The following TENM3 variants were observed in gnomAD, a reference collection of about 807,000 sequenced individuals.
TENM3 encodes the protein teneurin-3.
TENM3 carries 63 observed loss-of-function variants against 255.1 expected under a neutral mutation model. That is an observed-to-expected ratio of 0.25 (90% CI 0.20 to 0.30). The LOEUF is 0.30. TENM3 is among the 10% of genes least tolerant of loss of function. TENM3 has a pLI of 1.00. For missense variants in TENM3, 2,929 were observed against 3,461.1 expected, an observed-to-expected ratio of 0.85 and a Z score of 3.86; for synonymous variants, 1,306 against 1,322.3, an observed-to-expected ratio of 0.99 and a Z score of 0.27.
chr4:182,094,329 T>A, the TENM3 span, among the ~76,000 whole-genome samples: 1 of 151,774 alleles, frequency 6.6e-6, no homozygotes, highest in East Asian at 1.9e-4. Flanking sequence ...CACTGCAACC[T>A]CCACCTCCCG....
intron 3 of TENM3, among the ~76,000 whole-genome samples, chr4:182,424,181 C>T (rs557755023): frequency 1.3e-5 from 2 of 152,188 alleles, no homozygotes; most frequent in East Asian, 3.9e-4. Context: ...GCAGTATCTA[C>T]AATTAAATTT....
At chr4:182,602,425 T>C (rs1179039644) in intron 4 of TENM3, among the ~76,000 whole-genome samples, 1 of 152,216 alleles carries the variant, frequency 6.6e-6, no homozygotes, top group African/African-American at 2.4e-5. Flanking sequence ...CATTGCTATT[T>C]CTCACCATTA....
chr4:181,641,546 G>GTAGTA, the TENM3 span, among the ~76,000 whole-genome samples: 1 of 39,284 alleles, frequency 2.5e-5, no homozygotes, highest in Non-Finnish European at 4.6e-5. Context: ...GTATTCCATG[G>GTAGTA]TGTGTGTGTA....
intron 3 of TENM3, among the ~76,000 whole-genome samples, chr4:182,484,901 A>G (rs1412468789): frequency 3.9e-5 from 6 of 152,198 alleles, no homozygotes; most frequent in Non-Finnish European, 8.8e-5. Flanking sequence ...ACACTACTAA[A>G]TTAATAGTTC....
chr4:182,113,459 T>C, the TENM3 span, among the ~76,000 whole-genome samples: 7 of 152,214 alleles, frequency 4.6e-5, no homozygotes, highest in African/African-American at 1.7e-4. Flanking sequence ...CTGTTCCTTC[T>C]ATCCTTCCTC....
chr4:182,258,139 G>A (rs1466496763), intron 1 of TENM3, among the ~76,000 whole-genome samples: 2 of 152,020 alleles, frequency 1.3e-5, no homozygotes, highest in Non-Finnish European at 2.9e-5. Flanking sequence ...CATGTATATA[G>A]CATATACTTC....
At chr4:182,305,228 A>G (rs1175856103) in intron 1 of TENM3, among the ~76,000 whole-genome samples, 1 of 152,162 alleles carries the variant, frequency 6.6e-6, no homozygotes, top group Non-Finnish European at 1.5e-5. Flanking sequence ...AAAAACCACA[A>G]AAACAAAAGG....
chr4:181,579,984 AT>A, the TENM3 span, among the ~76,000 whole-genome samples: 34 of 74,702 alleles, frequency 4.6e-4, no homozygotes, highest in South Asian at 1.1e-3. Flanking sequence ...ATTTTATTTT[AT>A]TTTATTTTAT....
chr4:182,214,027 C>T (rs536965005), intron 1 of TENM3, among the ~76,000 whole-genome samples: 2 of 152,270 alleles, frequency 1.3e-5, no homozygotes, highest in South Asian at 2.1e-4. Flanking sequence ...TGGTCTCGAT[C>T]TCTTGACCTT....
In TENM3 at chr4:182,291,618, C is replaced by T. The variant is rs73005425; in HGVS notation, c.-75-32328C>T. Reference sequence around the variant, plus strand: ...ACAGCTGAGGAAGCAGCCTCAGAGACGTTATGTGATGTGCTTCAGGTCACA... The same window carrying T: ...ACAGCTGAGGAAGCAGCCTCAGAGATGTTATGTGATGTGCTTCAGGTCACA... On this transcript the variant is annotated intron_variant, in intron 1 of 27. Coordinates refer to ENST00000511685, the MANE Select transcript of TENM3 (RefSeq NM_001080477.4). 3.5e-3 allele frequency among the ~76,000 whole-genome samples: 532 copies of T among 152,200 alleles called. 4 individuals carry two copies. Among genetic ancestry groups the T allele is most frequent in the African/African-American group, 0.012 (500 of 41,528 alleles).
At chr4:181,722,414 C>A in the TENM3 span, among the ~76,000 whole-genome samples, 1 of 152,080 alleles carries the variant, frequency 6.6e-6, no homozygotes. Context: ...AACTCTATTG[C>A]AATGAAGTTT....
chr4:181,540,828 G>A, the TENM3 span, among the ~76,000 whole-genome samples: 1 of 148,908 alleles, frequency 6.7e-6, no homozygotes, highest in Non-Finnish European at 1.5e-5. Flanking sequence ...GGGATCCTGG[G>A]ACAGATAAGG....
intron 17 of TENM3, among the ~76,000 whole-genome samples, chr4:182,737,746 T>C (rs1761283247): frequency 6.6e-6 from 1 of 152,188 alleles, no homozygotes; most frequent in Admixed American, 6.5e-5. Flanking sequence ...AAATAGAACA[T>C]TGTACTCTGA....
chr4:181,892,382 G>A, the TENM3 span, among the ~76,000 whole-genome samples: 4 of 152,068 alleles, frequency 2.6e-5, no homozygotes, highest in South Asian at 8.3e-4. Context: ...TTTAATAGTA[G>A]ACTACCTAGT....
the TENM3 span, among the ~76,000 whole-genome samples, chr4:182,086,708 G>T: frequency 6.6e-6 from 1 of 152,180 alleles, no homozygotes; most frequent in East Asian, 1.9e-4. Flanking sequence ...GGCTGCGGTG[G>T]AATTAGGTAA....
the TENM3 span, among the ~76,000 whole-genome samples, chr4:181,849,109 G>A: frequency 4.6e-5 from 7 of 152,144 alleles, no homozygotes; most frequent in African/African-American, 1.7e-4. Context: ...ACAGTGAGGG[G>A]TCTTCCAGAG....
chr4:182,091,147 A>G, the TENM3 span, among the ~76,000 whole-genome samples: 2 of 152,208 alleles, frequency 1.3e-5, no homozygotes, highest in South Asian at 4.1e-4. Flanking sequence ...ATTCCCTCTC[A>G]ATAAAAAGAA....
chr4:181,608,630 G>C, the TENM3 span, among the ~76,000 whole-genome samples: 1 of 151,854 alleles, frequency 6.6e-6, no homozygotes, highest in Non-Finnish European at 1.5e-5. Flanking sequence ...GACAGGGAGA[G>C]GAATTGGTAA....
At chr4:181,712,122 G>A in the TENM3 span, among the ~76,000 whole-genome samples, 10 of 152,052 alleles carry the variant, frequency 6.6e-5, no homozygotes, top group Admixed American at 3.3e-4. Context: ...GCCAGTCAGT[G>A]CACAGTCAAT....
Sources: allele counts gnomAD v4.1 joint callset (sites outside exome capture counted in the v4.1 genomes callset), GRCh38; gene constraint gnomAD v4.1.1; transcripts MANE v1.5; gene names NCBI Gene and HGNC (gene_info 2026-07-23, HGNC 2026-07-21).